The following NELL1 variants were observed in gnomAD, a reference collection of about 807,000 sequenced individuals.
NELL1 encodes neural EGFL like 1.
NELL1 carries 76 observed loss-of-function variants against 107.4 expected under a neutral mutation model. The ratio of observed to expected loss-of-function variants is 0.71; its 90% CI spans 0.59 to 0.86. The LOEUF (loss-of-function observed/expected upper bound fraction) is 0.86. Ranked by LOEUF, NELL1 falls within the 40% of genes least tolerant of loss-of-function variation. The pLI is 0.00. For missense variants in NELL1, 1,024 were observed against 1,005.5 expected (o/e 1.02, Z -0.25); for synonymous variants, 353 against 341.2 (o/e 1.03, Z -0.38).
chr11:21,000,293 T>C (rs976785785), intron 12 of NELL1, among the ~76,000 whole-genome samples: 1 of 152,168 alleles, frequency 6.6e-6, no homozygotes, highest in African/African-American at 2.4e-5. Flanking sequence ...TAATCCAGTT[T>C]ACTGTGTCAG....
chr11:21,163,917 G>T (rs1435442932), intron 13 of NELL1, among the ~76,000 whole-genome samples: 2 of 152,098 alleles, frequency 1.3e-5, no homozygotes, highest in South Asian at 4.2e-4. Flanking sequence ...GGTGGGTAAA[G>T]ATGCAGTCTC....
rs576189675 is a variant in NELL1 at position 21,280,842 on chromosome 11, A to G, written c.1549+51388A>G. 1.7e-3 allele frequency among the ~76,000 whole-genome samples: 255 copies of G among 152,286 alleles called. 1 individual carries two copies. Among genetic ancestry groups the G allele is most frequent in the African/African-American group, 5.9e-3 (247 of 41,578 alleles). Reference sequence around the variant, plus strand: ...ACAATTTAAGTTAATAATAAACATTATTTAAGGTTCCAAAGCCTAGGCTCT... The same window carrying G: ...ACAATTTAAGTTAATAATAAACATTGTTTAAGGTTCCAAAGCCTAGGCTCT... On this transcript the variant is annotated intron_variant, in intron 14 of 19. Coordinates refer to ENST00000357134, the MANE Select transcript of NELL1 (RefSeq NM_006157.5).
In NELL1 at chr11:21,078,084, C is replaced by T. The variant is rs564565918; in HGVS notation, c.1301-35505C>T. Among the ~76,000 whole-genome samples the T allele has an allele frequency of 1.3e-4, 20 of 151,880 alleles. 2 individuals carry two copies. In the South Asian group the frequency reaches 4.1e-3, roughly 31 times the overall value. On this transcript the variant is annotated intron_variant, in intron 12 of 19. Coordinates refer to ENST00000357134, the MANE Select transcript of NELL1 (RefSeq NM_006157.5). ...TGATTTTTTCAAAGATAATTTTTTTCAAGGATACAAAATTCTATAGAGGAG... is the reference window on the plus strand; with the variant it reads ...TGATTTTTTCAAAGATAATTTTTTTTAAGGATACAAAATTCTATAGAGGAG...
At chr11:21,462,794 C>A (rs527501702) in intron 15 of NELL1, among the ~76,000 whole-genome samples, 69 of 152,080 alleles carry the variant, frequency 4.5e-4, no homozygotes, top group Admixed American at 3.9e-3. Flanking sequence ...AGCAATTGTG[C>A]ATATTTCCTG....
At chr11:21,571,101 T>C (rs1857092025) in intron 18 of NELL1, among the ~76,000 whole-genome samples, 161 bp downstream of exon 18, 2 of 151,878 alleles carry the variant, frequency 1.3e-5, no homozygotes, top group Non-Finnish European at 2.9e-5. Flanking sequence ...GATATTCAGG[T>C]TGTATTTGAA....
At chr11:20,919,655 T>G (rs184833742) in intron 7 of NELL1, among the ~76,000 whole-genome samples, 2,162 of 152,228 alleles carry the variant, frequency 0.014, 33 homozygotes, top group Non-Finnish European at 0.025. Flanking sequence ...AGATGATCTA[T>G]GGTCAGAGCC....
chr11:20,800,774 A>G (rs1343530315), intron 3 of NELL1, among the ~76,000 whole-genome samples: 1 of 152,198 alleles, frequency 6.6e-6, no homozygotes. Flanking sequence ...GTGGCTGGAA[A>G]ATGCAGCCTG....
intron 12 of NELL1, among the ~76,000 whole-genome samples, chr11:21,104,431 G>A (rs1188052552): frequency 6.6e-6 from 1 of 152,168 alleles, no homozygotes; most frequent in Non-Finnish European, 1.5e-5. Context: ...CTTTATGACA[G>A]TGTTTGATTC....
chr11:20,954,491 G>T (rs1381694962), intron 11 of NELL1, among the ~76,000 whole-genome samples: 1 of 152,154 alleles, frequency 6.6e-6, no homozygotes, highest in African/African-American at 2.4e-5. Context: ...TGCCTTGATT[G>T]AGGCCATAGG....
At chr11:21,574,845 G>T in intron 19 of NELL1, 127 bp from the exon 20 acceptor site, 2 of 728,180 alleles carry the variant, frequency 2.7e-6, no homozygotes. Flanking sequence ...TTTTTTTCTA[G>T]TCATTTTTTA....
intron 14 of NELL1, among the ~76,000 whole-genome samples, chr11:21,290,821 G>A (rs1590809367): frequency 1.3e-5 from 2 of 152,230 alleles, no homozygotes; most frequent in African/African-American, 4.8e-5. Context: ...CATCCACACA[G>A]AAACCCCATC....
intron 14 of NELL1, among the ~76,000 whole-genome samples, chr11:21,239,075 G>T (rs1157870191): frequency 6.6e-6 from 1 of 151,998 alleles, no homozygotes; most frequent in Non-Finnish European, 1.5e-5. Context: ...CACAGTAGTT[G>T]CTCAGTAGAC....
At chr11:20,902,536 G>A (rs765305780) in intron 5 of NELL1, among the ~76,000 whole-genome samples, 1 of 152,112 alleles carries the variant, frequency 6.6e-6, no homozygotes, top group Non-Finnish European at 1.5e-5. Flanking sequence ...ACTTGAATTG[G>A]TGGAACCAAT....
At chr11:21,262,548 G>C (rs1848555230) in intron 14 of NELL1, 1 of 151,818 alleles carries the variant, frequency 6.6e-6, no homozygotes, top group South Asian at 2.1e-4. Context: ...CTTCACTCTT[G>C]ACTGGCAATT....
intron 14 of NELL1, among the ~76,000 whole-genome samples, chr11:21,288,087 A>G (rs7945361): frequency 0.88 from 131,311 of 148,596 alleles, 58,533 homozygotes; most frequent in Non-Finnish European, 0.95. Context: ...GGGAGAAGGA[A>G]AAAAGAGGGA....
At chr11:21,210,500 A>G (rs1005594919) in intron 13 of NELL1, among the ~76,000 whole-genome samples, 2 of 152,072 alleles carry the variant, frequency 1.3e-5, no homozygotes, top group African/African-American at 4.8e-5. Flanking sequence ...GAATCTTTTC[A>G]TGTGCCTCTT....
At chr11:21,073,343 G>A (rs1854060319) in intron 12 of NELL1, among the ~76,000 whole-genome samples, 1 of 152,136 alleles carries the variant, frequency 6.6e-6, no homozygotes, top group South Asian at 2.1e-4. Flanking sequence ...TTTGCTGAAT[G>A]GAAGAAGGAA....
intron 14 of NELL1, among the ~76,000 whole-genome samples, chr11:21,340,830 T>C (rs1174842482): frequency 1.3e-5 from 2 of 152,180 alleles, no homozygotes; most frequent in Non-Finnish European, 2.9e-5. Context: ...TGTTGACACC[T>C]TGATCTTAGA....
intron 15 of NELL1, among the ~76,000 whole-genome samples, chr11:21,384,876 T>G (rs1319748582): frequency 6.6e-6 from 1 of 152,038 alleles, no homozygotes; most frequent in Non-Finnish European, 1.5e-5. Flanking sequence ...TTCCAATGTC[T>G]TCTTCATTTT....
Sources: allele counts gnomAD v4.1 joint callset (sites outside exome capture counted in the v4.1 genomes callset), GRCh38; gene constraint gnomAD v4.1.1; transcripts MANE v1.5; gene names NCBI Gene and HGNC (gene_info 2026-07-23, HGNC 2026-07-21).